DLG3: variants seen among roughly 807,000 people sequenced by gnomAD.
The protein encoded by DLG3 is disks large homolog 3.
A neutral mutation model predicts 64.1 loss-of-function variants in DLG3; 1 was observed. That is an observed-to-expected ratio of 0.02 (90% CI 0.01 to 0.07). The LOEUF is 0.07. DLG3 is among the 10% of genes least tolerant of loss of function. The pLI is 1.00. For missense variants in DLG3, 429 were observed against 669.5 expected (o/e 0.64, Z 3.96); for synonymous variants, 245 against 259.8 (o/e 0.94, Z 0.55).
At chrX:70,452,519 T>C (rs1190925528) in intron 7 of DLG3, 1 of 1,146,574 alleles carries the variant, frequency 8.7e-7, no homozygotes, top group African/African-American at 1.8e-5. Flanking sequence ...TCGGGCCGGC[T>C]GGGGTTCCGG....
At chrX:70,457,574 C>CTTT (rs61405424) in intron 9 of DLG3, among the ~76,000 whole-genome samples, 1 of 99,630 alleles carries the variant, frequency 1.0e-5, no homozygotes. Context: ...CGTTTTAGGA[C>CTTT]TTTTTTTTTT....
chrX:70,452,437 G>T, intron 7 of DLG3: 1 of 955,914 alleles, frequency 1.0e-6, no homozygotes, highest in Non-Finnish European at 1.3e-6. Flanking sequence ...CGGCCCGGTG[G>T]CCTCGCCGGC....
In DLG3 at chrX:70,449,863, C is replaced by CG. The variant is rs1325456815; in HGVS notation, c.703+6dup. The CG allele has an allele frequency of 2.6e-6, 3 of 1,176,064 alleles. No individual in the cohort carries two copies. The Admixed American group carries it at 7.7e-5, about 30-fold the overall frequency. On this transcript the variant is annotated splice_donor_region_variant and intron_variant, in intron 4 of 18. Transcript: ENST00000374360. ...AACCTGCTCAAAGGGCCCAAAGGTG[C>CG]GGCCCTCCAGGTTCCTGTGCTCCAG...
Position 70,453,761 on chromosome X carries a change from G to A in DLG3, c.1270G>A (p.Gly424Arg). The A allele has an allele frequency of 2.5e-6, 3 of 1,205,701 alleles. No individual in the cohort carries two copies. Among genetic ancestry groups the A allele is most frequent in the Non-Finnish European group, 3.4e-6 (3 of 892,555 alleles). The change falls in exon 8 of 19, where the codon GGG becomes AGG. Residue 424 changes from glycine to arginine, a missense_variant. This residue lies in a region of DLG3 where 46 missense variants were observed against 52.3 expected (regional missense o/e 0.88). Coordinates refer to ENST00000374360, the MANE Select transcript of DLG3 (RefSeq NM_021120.4). ...GGCAGGAGGCCCAGCTGACCTGAGT[G>A]GGGAGCTGCGCAGGGGAGACCGGAT... ...ILAGGPADLS[G>R]ELRRGDRILS...
rs374838700 is a variant in DLG3 at position 70,486,612 on chromosome X, C to T, written c.1521-5495C>T. On this transcript the variant is annotated intron_variant, in intron 10 of 18. Coordinates refer to ENST00000374360, the MANE Select transcript of DLG3 (RefSeq NM_021120.4). ...GACCAGGGTGGCAGTTGGTTAATTG[C>T]GGCCTTTCTTTAGGTATTAAGAGAC... Among the ~76,000 whole-genome samples the T allele has an allele frequency of 2.8e-4, 30 of 108,263 alleles. No individual in the cohort carries two copies. The East Asian group carries it at 3.2e-3, about 12-fold the overall frequency. The allele number at this position is 108,263 out of a possible 115,157, so 94.0% of individuals were successfully genotyped here. A position where few individuals can be genotyped will look rare whatever the true frequency, so the allele number is the denominator to read the frequency against.
At chrX:70,483,627 C>G (rs2087205389) in intron 10 of DLG3, among the ~76,000 whole-genome samples, 1 of 112,631 alleles carries the variant, frequency 8.9e-6, no homozygotes, top group African/African-American at 3.2e-5. Context: ...ATAACACTCT[C>G]TTAGAGCTGC....
chrX:70,494,771 G>A (rs2087422955), intron 12 of DLG3, among the ~76,000 whole-genome samples: 1 of 112,409 alleles, frequency 8.9e-6, no homozygotes, highest in African/African-American at 3.2e-5. Context: ...GGTGCCTAGT[G>A]CTTCTCCAGA....
At chrX:70,484,468 A>G (rs1203251147) in intron 10 of DLG3, among the ~76,000 whole-genome samples, 1 of 112,049 alleles carries the variant, frequency 8.9e-6, no homozygotes, top group East Asian at 2.8e-4. Flanking sequence ...CTTGTTAATG[A>G]GTTTCAATAG....
At chrX:70,483,697 G>A (rs2087206742) in intron 10 of DLG3, among the ~76,000 whole-genome samples, 1 of 112,750 alleles carries the variant, frequency 8.9e-6, no homozygotes, top group South Asian at 3.7e-4. Flanking sequence ...CACAGGGGAC[G>A]TGGGGTTTGT....
At chrX:70,497,847 C>T (rs983995988) in intron 13 of DLG3, among the ~76,000 whole-genome samples, 2 of 112,006 alleles carry the variant, frequency 1.8e-5, no homozygotes, top group Non-Finnish European at 3.8e-5. Context: ...TCACTGTTTT[C>T]CCTGGGACTG....
chrX:70,450,020 C>T (rs2086602291), intron 4 of DLG3, 149 bp from the exon 5 acceptor site: 1 of 976,137 alleles, frequency 1.0e-6, no homozygotes, highest in African/African-American at 1.9e-5. Context: ...CCTTACTCAT[C>T]TCAGGATGGC....
At position 70,499,933 on chromosome X, in the gene DLG3, G is replaced by A. The variant is rs1408271185; in HGVS notation, c.2029G>A (p.Val677Met). ...GGATGGACAAGACTACCACTTTGTG[G>A]TGTCCCGAGAACAAATGGAGAAAGA... ...EVDGQDYHFVVSREQMEKDIQ... is the reference protein window; with the variant it reads ...EVDGQDYHFVMSREQMEKDIQ... The change falls in exon 16 of 19, where the codon GTG becomes ATG. Residue 677 changes from valine (V) to methionine (M), a missense_variant. Physicochemically the swap from Val to Met is conservative, Grantham distance 21. Coordinates refer to ENST00000374360, the MANE Select transcript of DLG3 (RefSeq NM_021120.4). 1 of 1,208,551 alleles carries A rather than the reference G, an allele frequency of 8.3e-7. No homozygotes were observed. The highest frequency in any genetic ancestry group is 3.0e-5 in the East Asian group (1 of 33,745).
chrX:70,461,675 A>T (rs763498946), intron 9 of DLG3, among the ~76,000 whole-genome samples: 2 of 108,261 alleles, frequency 1.8e-5, no homozygotes, highest in South Asian at 4.2e-4. Flanking sequence ...GGTTCAAGGG[A>T]TTCTCCTCCC....
intron 9 of DLG3, among the ~76,000 whole-genome samples, chrX:70,472,257 C>T (rs1432801674): frequency 8.9e-6 from 1 of 111,895 alleles, no homozygotes; most frequent in Non-Finnish European, 1.9e-5. Context: ...GGCGCTAAAC[C>T]AAAAAATTTT....
intron 10 of DLG3, among the ~76,000 whole-genome samples, chrX:70,481,151 A>AC (rs2087147656): frequency 8.9e-6 from 1 of 111,785 alleles, no homozygotes; most frequent in South Asian, 3.7e-4. Flanking sequence ...TGCTAAGCTA[A>AC]CCCCTTTATC....
At chrX:70,466,233 T>A (rs1858373007) in intron 9 of DLG3, among the ~76,000 whole-genome samples, 1 of 99,178 alleles carries the variant, frequency 1.0e-5, no homozygotes, top group Non-Finnish European at 2.0e-5. Context: ...TGTGTGCAAG[T>A]GTTTCTTGGT....
intron 9 of DLG3, chrX:70,455,172 G>A: frequency 1.3e-6 from 1 of 751,094 alleles, no homozygotes; most frequent in Non-Finnish European, 1.6e-6. Flanking sequence ...CGCGCGCCCC[G>A]CTTTGTGTCC....
intron 14 of DLG3, 146 bp downstream of exon 14, chrX:70,498,716 C>T: frequency 1.8e-6 from 1 of 562,288 alleles, no homozygotes; most frequent in South Asian, 2.5e-5. Context: ...GCTCCTTCTT[C>T]TCTATGCTTC....
chrX:70,476,116 C>A (rs1438186321), intron 9 of DLG3, among the ~76,000 whole-genome samples: 1 of 111,774 alleles, frequency 8.9e-6, no homozygotes, highest in Non-Finnish European at 1.9e-5. Context: ...GGGCAAAACC[C>A]TTCTTCGGTA....
Sources: gnomAD v4.1 joint callset for allele counts (sites outside exome capture counted in the v4.1 genomes callset) on GRCh38, gnomAD v4.1.1 for gene constraint, gnomAD v4.1.1 regional missense constraint, MANE v1.5 for transcripts, NCBI Gene and HGNC (gene_info 2026-07-23, HGNC 2026-07-21) for gene names.